The following FAM185A variants were observed in gnomAD, a reference collection of about 807,000 sequenced individuals.
FAM185A encodes the protein protein FAM185A.
In FAM185A, 21 loss-of-function variants were observed where a neutral mutation model predicts 45.7. The ratio of observed to expected loss-of-function variants is 0.46; its 90% CI spans 0.33 to 0.66. FAM185A has a LOEUF of 0.66. FAM185A is among the 30% of genes least tolerant of loss of function. FAM185A has a pLI of 0.03. For missense variants in FAM185A, 305 were observed against 485.4 expected (o/e 0.63, Z 3.49); for synonymous variants, 117 against 194.0 (o/e 0.60, Z 3.30).
At chr7:102,750,434 G>A (rs1384571771) in intron 1 of FAM185A, among the ~76,000 whole-genome samples, 4 of 152,130 alleles carry the variant, frequency 2.6e-5, no homozygotes, top group East Asian at 3.8e-4. Context: ...AGTAGATGCC[G>A]TAGTCCTCCC....
chr7:102,776,099 T>TAC lies in FAM185A; in HGVS notation c.836-1138_836-1137dup, dbSNP rs1360377462. ...TTTAAAAGAAAAATGTTGGCTCCTATACACACACACACACACAAATGTTTT... is the reference window on the plus strand; with the variant it reads ...TTTAAAAGAAAAATGTTGGCTCCTATACACACACACACACACACAAATGTTTT... On this transcript the variant is annotated intron_variant, in intron 5 of 7. Transcript: ENST00000413034. Among the ~76,000 whole-genome samples the TAC allele has an allele frequency of 3.6e-4, 38 of 106,690 alleles. 3 individuals are homozygous for TAC. Among genetic ancestry groups the TAC allele is most frequent in the Admixed American group, 6.8e-4 (8 of 11,714 alleles). 70.0% of individuals were successfully genotyped at this position (106,690 alleles called of 152,430 possible).
At chr7:102,773,816 A>G (rs1016357850) in intron 5 of FAM185A, among the ~76,000 whole-genome samples, 7 of 152,126 alleles carry the variant, frequency 4.6e-5, no homozygotes, top group African/African-American at 1.4e-4. Context: ...TCAAATCACT[A>G]TATAAGTGTG....
Position 102,749,225 on chromosome 7 carries a change from A to G in FAM185A, c.18A>G (p.Ser6=). ...GGCGCGCCATGCTTGCCCCCTGCTC[A>G]GGTTGGGAGCTTGGCTGCTTCCGTC... MLAPC[S]GWELGCFRLC... The change falls in exon 1 of 8, where the codon TCA becomes TCG. Residue 6 remains serine (S), a synonymous_variant. Transcript: ENST00000413034. The G allele has an allele frequency of 6.4e-7, 1 of 1,551,242 alleles. No homozygotes were observed. The highest frequency in any genetic ancestry group is 8.7e-7 in the Non-Finnish European group (1 of 1,146,886).
At chr7:102,775,476 G>A (rs541077780) in intron 5 of FAM185A, among the ~76,000 whole-genome samples, 75 of 152,074 alleles carry the variant, frequency 4.9e-4, no homozygotes, top group Non-Finnish European at 9.6e-4. Flanking sequence ...AACATCTTGC[G>A]TTTTCATTTT....
intron 4 of FAM185A, among the ~76,000 whole-genome samples, chr7:102,766,133 A>C (rs192944831): frequency 1.3e-5 from 2 of 152,392 alleles, no homozygotes; most frequent in Non-Finnish European, 2.9e-5. Flanking sequence ...GATTGGTTTT[A>C]TTTATAACCC....
chr7:102,759,759 A>T (rs1184842724), intron 3 of FAM185A, among the ~76,000 whole-genome samples: 5 of 152,076 alleles, frequency 3.3e-5, no homozygotes, highest in Admixed American at 3.3e-4. Context: ...TCCTCTATTA[A>T]GAGGATTAAA....
intron 7 of FAM185A, among the ~76,000 whole-genome samples, chr7:102,801,571 G>T (rs1339208829): frequency 6.6e-6 from 1 of 152,178 alleles, no homozygotes; most frequent in Non-Finnish European, 1.5e-5. Context: ...GGACACCAAA[G>T]GTGAGCAGGA....
chr7:102,819,181 C>T, the FAM185A span, among the ~76,000 whole-genome samples: 3 of 152,146 alleles, frequency 2.0e-5, no homozygotes, highest in Non-Finnish European at 4.4e-5. Flanking sequence ...CTCTCTCACT[C>T]CTACCTTGTT....
chr7:102,785,378 C>A lies in FAM185A; in HGVS notation c.932-1957C>A, dbSNP rs1364873742. Among the ~76,000 whole-genome samples the A allele has an allele frequency of 2.0e-5, 3 of 150,264 alleles. No homozygotes were observed. In the East Asian group the frequency reaches 5.9e-4, roughly 29 times the overall value. On this transcript the variant is annotated intron_variant, in intron 6 of 7. Coordinates refer to ENST00000413034, the MANE Select transcript of FAM185A (RefSeq NM_001145268.2). Reference sequence around the variant, plus strand: ...AAAGAGCCCGCATCGCCAAGTCAATCCTAAGCCAAAAGAACAAAGCTGGAG... The same window carrying A: ...AAAGAGCCCGCATCGCCAAGTCAATACTAAGCCAAAAGAACAAAGCTGGAG...
At chr7:102,819,538 G>T in the FAM185A span, among the ~76,000 whole-genome samples, 1 of 152,188 alleles carries the variant, frequency 6.6e-6, no homozygotes, top group Non-Finnish European at 1.5e-5. Flanking sequence ...ATTCCATTGA[G>T]TATGAGTGAA....
At chr7:102,769,102 T>G (rs1584298788) in intron 4 of FAM185A, among the ~76,000 whole-genome samples, 2 of 152,272 alleles carry the variant, frequency 1.3e-5, no homozygotes, top group South Asian at 2.1e-4. Flanking sequence ...TTGATATGAG[T>G]TGAAAATAAG....
At chr7:102,807,750 TAAAA>T (rs57307357) in intron 7 of FAM185A, among the ~76,000 whole-genome samples, 13 of 135,666 alleles carry the variant, frequency 9.6e-5, no homozygotes, top group Non-Finnish European at 1.3e-4. Flanking sequence ...CGTCTCCACT[TAAAA>T]AAAAAAAAAA....
intron 7 of FAM185A, among the ~76,000 whole-genome samples, chr7:102,807,649 C>T (rs1562883119): frequency 6.6e-6 from 1 of 152,090 alleles, no homozygotes; most frequent in East Asian, 1.9e-4. Flanking sequence ...CTTGGTGGCT[C>T]ATGCCTGTAA....
chr7:102,795,185 G>A (rs1238406197), intron 7 of FAM185A, among the ~76,000 whole-genome samples: 4 of 152,310 alleles, frequency 2.6e-5, no homozygotes, highest in African/African-American at 9.6e-5. Flanking sequence ...TGAAATCTGA[G>A]TAAGGTCTAT....
chr7:102,786,109 T>C (rs961470833), intron 6 of FAM185A, among the ~76,000 whole-genome samples: 3 of 151,782 alleles, frequency 2.0e-5, no homozygotes, highest in African/African-American at 7.3e-5. Flanking sequence ...ATCAGAGAAA[T>C]GCAAATCAAA....
chr7:102,834,510 C>T, the FAM185A span: 10 of 148,920 alleles, frequency 6.7e-5, no homozygotes, highest in African/African-American at 2.0e-4. Context: ...GATTCTCTAG[C>T]TATCTCTAAG....
Position 102,761,381 on chromosome 7 carries a change from G to T in FAM185A, c.763G>T (p.Ala255Ser). Residue 255 changes from alanine to serine, a missense_variant, in exon 4 of 8, where the codon GCT becomes TCT. This residue lies in a region of FAM185A where 44 missense variants were observed against 66.8 expected (regional missense o/e 0.66). Coordinates refer to ENST00000413034, the MANE Select transcript of FAM185A (RefSeq NM_001145268.2). ...YTESSFLSSA[A>S]GDITLGSVHG... ...AGAATCATCATTTCTGTCTTCTGCT[G>T]CTGGGGATATTACATTAGGAAGTGT... The T allele has an allele frequency of 6.5e-7, 1 of 1,542,086 alleles. No individual in the cohort carries two copies. Among genetic ancestry groups the T allele is most frequent in the Non-Finnish European group, 8.7e-7 (1 of 1,143,348 alleles).
At chr7:102,780,182 AC>A (rs1795320035) in intron 6 of FAM185A, among the ~76,000 whole-genome samples, 1 of 152,042 alleles carries the variant, frequency 6.6e-6, no homozygotes, top group South Asian at 2.1e-4. Flanking sequence ...TGGAAGGAAA[AC>A]CACGACCCAT....
At chr7:102,785,071 C>T (rs1463648248) in intron 6 of FAM185A, among the ~76,000 whole-genome samples, 2 of 152,128 alleles carry the variant, frequency 1.3e-5, no homozygotes, top group African/African-American at 4.8e-5. Context: ...AGTGAACTCC[C>T]ATTTACAATT....
Sources: allele counts gnomAD v4.1 joint callset (sites outside exome capture counted in the v4.1 genomes callset), GRCh38; gene constraint gnomAD v4.1.1; regional missense constraint gnomAD v4.1.1; transcripts MANE v1.5; gene names NCBI Gene and HGNC (gene_info 2026-07-23, HGNC 2026-07-21).